The following FAM178B variants were observed in gnomAD, a reference collection of about 807,000 sequenced individuals.
The protein encoded by FAM178B is family with sequence similarity 178 member B, also known as protein FAM178B.
A neutral mutation model predicts 91.7 loss-of-function variants in FAM178B; 82 were observed. That is an observed-to-expected ratio of 0.89 (90% CI 0.75 to 1.07). The LOEUF (loss-of-function observed/expected upper bound fraction) is 1.07. Among genes scored for constraint, FAM178B ranks in the 50% least tolerant of loss-of-function variants. The pLI, the probability that FAM178B is intolerant of heterozygous loss-of-function variation, is 0.00. For synonymous variants in FAM178B, 368 were observed against 359.4 expected, an observed-to-expected ratio of 1.02 and a Z score of -0.27; for missense variants, 769 against 846.7, an observed-to-expected ratio of 0.91 and a Z score of 1.14.
intron 10 of FAM178B, among the ~76,000 whole-genome samples, chr2:96,922,403 G>A (rs1163993483): frequency 2.0e-5 from 3 of 152,220 alleles, no homozygotes; most frequent in African/African-American, 7.2e-5. Context: ...AGGCTGGAGT[G>A]CAGTGGCGCC....
At chr2:96,982,688 C>A (rs1200359454) in intron 1 of FAM178B, among the ~76,000 whole-genome samples, 6 of 151,602 alleles carry the variant, frequency 4.0e-5, no homozygotes, top group Admixed American at 3.3e-4. Context: ...CCTGCCTCAA[C>A]CTCCTGAGTA....
intron 6 of FAM178B, among the ~76,000 whole-genome samples, chr2:96,957,525 C>T (rs775501298): frequency 6.6e-6 from 1 of 152,240 alleles, no homozygotes; most frequent in African/African-American, 2.4e-5. Flanking sequence ...AGCTGGGCAG[C>T]CACCTGGCCC....
chr2:96,973,219 AAC>A (rs1387523989), intron 1 of FAM178B, among the ~76,000 whole-genome samples: 1 of 151,168 alleles, frequency 6.6e-6, no homozygotes, highest in Non-Finnish European at 1.5e-5. Context: ...AAAAAAAAAA[AAC>A]CAAAACCAAA....
intron 12 of FAM178B, among the ~76,000 whole-genome samples, chr2:96,911,096 C>G (rs926786044): frequency 4.6e-5 from 7 of 152,032 alleles, no homozygotes; most frequent in Admixed American, 1.3e-4. Flanking sequence ...AGTTCTACCT[C>G]TTTATGCTTC....
chr2:96,890,674 T>C lies in FAM178B; in HGVS notation c.1776+3252A>G, dbSNP rs148800816. 6.2e-3 allele frequency among the ~76,000 whole-genome samples: 950 copies of C among 152,314 alleles called. 10 individuals are homozygous for C. Among genetic ancestry groups the C allele is most frequent in the Middle Eastern group, 0.037 (11 of 294 alleles). The stretch of plus-strand genomic sequence containing the variant: ...AATTGAGTCAAGTTATGCAATGTTT[T>C]TCTGCCTGCGGCCAAAAGAACAGTC... On this transcript the variant is annotated intron_variant, in intron 14 of 16. Coordinates refer to ENST00000490605, the MANE Select transcript of FAM178B (RefSeq NM_001122646.3).
At chr2:96,900,172 G>A (rs2080900200) in intron 13 of FAM178B, among the ~76,000 whole-genome samples, 2 of 152,120 alleles carry the variant, frequency 1.3e-5, no homozygotes, top group African/African-American at 2.4e-5. Flanking sequence ...GGGCCTGTCC[G>A]TCAGCCTGCA....
intron 6 of FAM178B, among the ~76,000 whole-genome samples, chr2:96,959,421 T>C (rs2082049097): frequency 6.6e-6 from 1 of 152,190 alleles, no homozygotes; most frequent in Admixed American, 6.5e-5. Context: ...ACAGTAATCT[T>C]TGTATCATAC....
At chr2:96,965,433 G>A (rs959799179) in intron 5 of FAM178B, among the ~76,000 whole-genome samples, 1 of 151,616 alleles carries the variant, frequency 6.6e-6, no homozygotes. Context: ...CACCCTACCC[G>A]CAGCATGTAG....
intron 9 of FAM178B, among the ~76,000 whole-genome samples, chr2:96,925,908 C>A (rs1439031935): frequency 6.6e-6 from 1 of 152,206 alleles, no homozygotes; most frequent in African/African-American, 2.4e-5. Flanking sequence ...CCAAGAGCTG[C>A]CTCTTTAATC....
chr2:96,965,623 T>C (rs1384815454), intron 5 of FAM178B, among the ~76,000 whole-genome samples: 1 of 152,092 alleles, frequency 6.6e-6, no homozygotes, highest in Non-Finnish European at 1.5e-5. Flanking sequence ...CCAACACATC[T>C]GTGTACTTTT....
Position 96,895,097 on chromosome 2 carries a change from C to A in FAM178B, c.1651-1046G>T, listed in dbSNP as rs372669788. 3.6e-5 allele frequency: 46 copies of A among 1,289,524 alleles called. No individual in the cohort carries two copies. The African/African-American group carries it at 5.8e-4, about 16-fold the overall frequency. The allele number at this position is 1,289,524 out of a possible 1,614,324, so 79.9% of individuals were successfully genotyped here. A position where few individuals can be genotyped will look rare whatever the true frequency, so the allele number is the denominator to read the frequency against. ...CCACCATCATCTTCATTCCGCCTGG[C>A]CTGTGTCTTCAGCCCCTGCCTTCCA... On this transcript the variant is annotated intron_variant, in intron 13 of 16. Coordinates refer to ENST00000490605, the MANE Select transcript of FAM178B (RefSeq NM_001122646.3).
chr2:96,890,523 G>T (rs978748371), intron 14 of FAM178B, among the ~76,000 whole-genome samples: 1 of 152,162 alleles, frequency 6.6e-6, no homozygotes, highest in Admixed American at 6.5e-5. Flanking sequence ...AGGCTGGATA[G>T]AACACACCAG....
intron 8 of FAM178B, among the ~76,000 whole-genome samples, chr2:96,935,219 A>G (rs1037862840): frequency 6.6e-6 from 1 of 152,240 alleles, no homozygotes; most frequent in Non-Finnish European, 1.5e-5. Flanking sequence ...CCGGCCTTCA[A>G]AAAGAATTTT....
At chr2:96,956,151 G>A (rs140010510) in intron 6 of FAM178B, among the ~76,000 whole-genome samples, 36 of 152,346 alleles carry the variant, frequency 2.4e-4, no homozygotes, top group Admixed American at 6.5e-4. Context: ...TTCCGCCCCC[G>A]AGTGGGATGT....
intron 7 of FAM178B, chr2:96,950,155 G>A (rs1353276993): frequency 4.1e-6 from 4 of 985,514 alleles, no homozygotes; most frequent in Non-Finnish European, 2.4e-6. Context: ...TCAGGGTGAC[G>A]CAGGGCCCCT....
intron 6 of FAM178B, among the ~76,000 whole-genome samples, chr2:96,958,697 T>TAAAAAAAAAAAAAA (rs55924441): frequency 1.1e-4 from 6 of 55,534 alleles, no homozygotes; most frequent in Admixed American, 4.0e-4. Context: ...CTCAAAATAC[T>TAAAAAAAAAAAAAA]AAAAAAAAAA....
intron 12 of FAM178B, among the ~76,000 whole-genome samples, chr2:96,917,726 T>A (rs1006861330): frequency 3.9e-5 from 6 of 152,096 alleles, no homozygotes; most frequent in Admixed American, 3.9e-4. Context: ...TGTGTTGGCA[T>A]CTGTCTGTAG....
At chr2:96,886,613 G>T (rs1194575168) in intron 14 of FAM178B, among the ~76,000 whole-genome samples, 1 of 152,226 alleles carries the variant, frequency 6.6e-6, no homozygotes, top group Admixed American at 6.6e-5. Flanking sequence ...CTGTCCCAGG[G>T]CTTTCCAGGA....
chr2:96,878,138 G>A, intron 15 of FAM178B, 96 bp from the exon 16 acceptor site: 1 of 1,319,706 alleles, frequency 7.6e-7, no homozygotes, highest in African/African-American at 1.4e-5. Context: ...AAAGGAAGGG[G>A]CACATTTGAG....
Sources: allele counts gnomAD v4.1 joint callset (sites outside exome capture counted in the v4.1 genomes callset), GRCh38; gene constraint gnomAD v4.1.1; transcripts MANE v1.5; gene names NCBI Gene and HGNC (gene_info 2026-07-23, HGNC 2026-07-21).